Variants in LNX1 observed in about 807,000 individuals in gnomAD.
LNX1 encodes ligand of numb-protein X 1.
A neutral mutation model predicts 68.4 loss-of-function variants in LNX1; 54 were observed. The observed-to-expected ratio is 0.79, with a 90% CI of 0.63 to 0.99. The LOEUF (loss-of-function observed/expected upper bound fraction) is 0.99. Among genes scored for constraint, LNX1 ranks in the 50% least tolerant of loss-of-function variants. The pLI, the probability that LNX1 is intolerant of heterozygous loss-of-function variation, is 0.00. For synonymous variants in LNX1, 336 were observed against 350.0 expected, an observed-to-expected ratio of 0.96 and a Z score of 0.45; for missense variants, 906 against 926.4, an observed-to-expected ratio of 0.98 and a Z score of 0.29.
chr4:53,459,643 A>G lies in LNX1; in HGVS notation c.*1264T>C. Reference sequence around the variant, plus strand: ...AAAATCTTTGTCTTGTACTATTTCAAAAATAAAAAGACAGCAATGACTTTA... The same window carrying G: ...AAAATCTTTGTCTTGTACTATTTCAGAAATAAAAAGACAGCAATGACTTTA... On this transcript the variant is annotated 3_prime_UTR_variant, in exon 11 of 11. Coordinates refer to ENST00000263925, the MANE Select transcript of LNX1 (RefSeq NM_001126328.3). The G allele has an allele frequency of 2.7e-6, 2 of 733,438 alleles. No individual in the cohort carries two copies. Among genetic ancestry groups the G allele is most frequent in the Non-Finnish European group, 4.4e-6 (2 of 451,734 alleles). The allele number at this position is 733,438 out of a possible 1,614,324, so 45.4% of individuals were successfully genotyped here. A position where few individuals can be genotyped will look rare whatever the true frequency, so the allele number is the denominator to read the frequency against.
At chr4:53,615,869 A>C (rs1242177454) in intron 2 of LNX1, among the ~76,000 whole-genome samples, 4 of 152,234 alleles carry the variant, frequency 2.6e-5, no homozygotes, top group Admixed American at 2.6e-4. Context: ...AGAATGGGGT[A>C]TCCATCCCCT....
At chr4:53,492,147 G>A (rs1724728978) in intron 6 of LNX1, among the ~76,000 whole-genome samples, 1 of 152,134 alleles carries the variant, frequency 6.6e-6, no homozygotes, top group South Asian at 2.1e-4. Flanking sequence ...TAATTGAAGA[G>A]TATTGTAGGA....
chr4:53,605,288 T>C (rs188574139), intron 2 of LNX1, among the ~76,000 whole-genome samples: 1 of 152,218 alleles, frequency 6.6e-6, no homozygotes, highest in East Asian at 1.9e-4. Context: ...AAAGAAATTT[T>C]AGTGTGTTAT....
At chr4:53,589,028 C>T (rs1560683943) in intron 1 of LNX1, among the ~76,000 whole-genome samples, 1 of 152,206 alleles carries the variant, frequency 6.6e-6, no homozygotes, top group East Asian at 1.9e-4. Context: ...CATGAACCCT[C>T]ACTCTGGTTA....
At chr4:53,549,366 C>G (rs138364209) in intron 2 of LNX1, 46 of 151,882 alleles carry the variant, frequency 3.0e-4, no homozygotes, top group African/African-American at 8.7e-4. Flanking sequence ...GTTACTAGCC[C>G]AGTATTTGGA....
chr4:53,489,454 G>A (rs1050344261), intron 6 of LNX1, among the ~76,000 whole-genome samples: 1 of 152,168 alleles, frequency 6.6e-6, no homozygotes, highest in Non-Finnish European at 1.5e-5. Context: ...TTTAGTTCTT[G>A]AGTCCCTGAA....
At chr4:53,535,702 A>G (rs1278400311) in intron 2 of LNX1, among the ~76,000 whole-genome samples, 1 of 152,228 alleles carries the variant, frequency 6.6e-6, no homozygotes, top group Non-Finnish European at 1.5e-5. Flanking sequence ...TTGGCTCTAT[A>G]GCCAGCGCCT....
chr4:53,468,228 T>C (rs1722855473), intron 9 of LNX1, among the ~76,000 whole-genome samples: 1 of 152,178 alleles, frequency 6.6e-6, no homozygotes, highest in Non-Finnish European at 1.5e-5. Flanking sequence ...CAGAATTTCA[T>C]ATCCAGCCAA....
intron 6 of LNX1, among the ~76,000 whole-genome samples, chr4:53,486,380 C>T (rs1383428671): frequency 6.6e-6 from 1 of 152,194 alleles, no homozygotes; most frequent in African/African-American, 2.4e-5. Context: ...CCACTTCACC[C>T]AGCATCCCTC....
chr4:53,462,879 A>ATTCT, intron 9 of LNX1, among the ~76,000 whole-genome samples: 1 of 152,274 alleles, frequency 6.6e-6, no homozygotes, highest in Admixed American at 6.5e-5. Flanking sequence ...TGGTAAATTC[A>ATTCT]TTCTTTGGGA....
intron 4 of LNX1, among the ~76,000 whole-genome samples, chr4:53,506,899 T>C (rs1255933203): frequency 2.7e-5 from 3 of 110,142 alleles, no homozygotes; most frequent in Non-Finnish European, 6.0e-5. Context: ...AGCTACCTCA[T>C]AGGGTTGTTG....
At chr4:53,481,274 A>C (rs1165524407) in intron 7 of LNX1, among the ~76,000 whole-genome samples, 2 of 152,224 alleles carry the variant, frequency 1.3e-5, no homozygotes, top group East Asian at 3.8e-4. Context: ...TGTTTAAATT[A>C]TCTTCCTGGG....
intron 2 of LNX1, among the ~76,000 whole-genome samples, chr4:53,519,500 C>T (rs1275758239): frequency 6.6e-6 from 1 of 151,340 alleles, no homozygotes; most frequent in Non-Finnish European, 1.5e-5. Context: ...GAAAACTTCC[C>T]CCCACTGGTT....
chr4:53,553,885 G>C (rs1197756526), intron 2 of LNX1, among the ~76,000 whole-genome samples: 1 of 152,186 alleles, frequency 6.6e-6, no homozygotes, highest in Non-Finnish European at 1.5e-5. Flanking sequence ...AAACACACCT[G>C]ATAGCAATAA....
intron 1 of LNX1, among the ~76,000 whole-genome samples, chr4:53,589,675 T>A (rs544931605): frequency 6.6e-6 from 1 of 152,312 alleles, no homozygotes; most frequent in Non-Finnish European, 1.5e-5. Flanking sequence ...CTCAAGGATA[T>A]AAATGAAGGA....
At chr4:53,465,364 ATAAACTAG>A (rs1279685834) in intron 9 of LNX1, among the ~76,000 whole-genome samples, 28 of 152,212 alleles carry the variant, frequency 1.8e-4, no homozygotes, top group African/African-American at 6.8e-4. Flanking sequence ...AATAAAGAGA[ATAAACTAG>A]TAAACTAGTA....
chr4:53,564,494 T>C (rs1730507119), intron 2 of LNX1, among the ~76,000 whole-genome samples: 1 of 152,214 alleles, frequency 6.6e-6, no homozygotes, highest in South Asian at 2.1e-4. Context: ...CAGTGCTGTC[T>C]TCTGTCTCCC....
At chr4:53,581,157 G>A (rs75313288) in intron 1 of LNX1, among the ~76,000 whole-genome samples, 1,566 of 152,164 alleles carry the variant, frequency 0.01, 16 homozygotes, top group African/African-American at 0.031. Context: ...CTGGTCACCC[G>A]GGACCATGAC....
At chr4:53,544,157 A>G (rs1913484) in intron 2 of LNX1, among the ~76,000 whole-genome samples, 107,234 of 152,086 alleles carry the variant, frequency 0.71, 38,602 homozygotes, top group Admixed American at 0.78. Context: ...AGCAGTACAT[A>G]GAAATTAGTA....
Sources: gnomAD v4.1 joint callset for allele counts (sites outside exome capture counted in the v4.1 genomes callset) on GRCh38, gnomAD v4.1.1 for gene constraint, MANE v1.5 for transcripts, NCBI Gene and HGNC (gene_info 2026-07-23, HGNC 2026-07-21) for gene names.